CDH4: variants seen among roughly 807,000 people sequenced by gnomAD.
CDH4 encodes cadherin 4.
Under a neutral mutation model 86.0 loss-of-function variants are expected in CDH4, and 33 were observed. The ratio of observed to expected loss-of-function variants is 0.38; its 90% CI spans 0.29 to 0.51. The LOEUF is 0.51. Among genes scored for constraint, CDH4 ranks in the 20% least tolerant of loss-of-function variants. CDH4 has a pLI of 0.86. For missense variants in CDH4, 1,114 were observed against 1,307.4 expected (o/e 0.85, Z 2.28); for synonymous variants, 555 against 549.4 (o/e 1.01, Z -0.14).
At chr20:61,892,995 T>C (rs1423179723) in intron 7 of CDH4, among the ~76,000 whole-genome samples, 27 of 59,076 alleles carry the variant, frequency 4.6e-4, no homozygotes, top group Admixed American at 7.2e-4. Context: ...GATGGGTGAG[T>C]AGAGGGATGG....
chr20:61,738,327 A>G (rs1177944914), intron 2 of CDH4: 1 of 152,176 alleles, frequency 6.6e-6, no homozygotes, highest in African/African-American at 2.4e-5. Context: ...GGCTGTGGGT[A>G]CCAGGCACCA....
At chr20:61,875,247 TGGGAAGAGCACAAAG>T (rs961161221) in intron 7 of CDH4, among the ~76,000 whole-genome samples, 16 of 152,142 alleles carry the variant, frequency 1.1e-4, no homozygotes, top group Admixed American at 1.0e-3. Flanking sequence ...TCTCTGTCCC[TGGGAAGAGCACAAAG>T]GGGATTTCCT....
chr20:61,324,534 C>A (rs2084526751), intron 2 of CDH4, among the ~76,000 whole-genome samples: 1 of 152,108 alleles, frequency 6.6e-6, no homozygotes, highest in African/African-American at 2.4e-5. Flanking sequence ...CATCACGTGG[C>A]CTCTTCCTGG....
At chr20:61,423,469 G>A (rs1281894158) in intron 2 of CDH4, among the ~76,000 whole-genome samples, 1 of 152,144 alleles carries the variant, frequency 6.6e-6, no homozygotes, top group Non-Finnish European at 1.5e-5. Flanking sequence ...CTATCCCAGA[G>A]TCCAAAACAG....
chr20:61,600,651 G>T (rs543689826), intron 2 of CDH4, among the ~76,000 whole-genome samples: 3 of 152,268 alleles, frequency 2.0e-5, no homozygotes, highest in South Asian at 4.1e-4. Context: ...GCCCCCAGGG[G>T]TATTAAAATC....
At chr20:61,372,027 G>C (rs928173359) in intron 2 of CDH4, among the ~76,000 whole-genome samples, 1 of 152,178 alleles carries the variant, frequency 6.6e-6, no homozygotes, top group Non-Finnish European at 1.5e-5. Context: ...AGGCTTACAG[G>C]GCTCTGAATT....
chr20:61,380,069 G>A lies in CDH4; in HGVS notation c.169+125132G>A, dbSNP rs917848352. ...CAACAAAAGCAAGGATGCATAGGGA[G>A]AGATGGTGTTGAGCATATTATTTTG... On this transcript the variant is annotated intron_variant, in intron 2 of 15. Coordinates refer to ENST00000614565, the MANE Select transcript of CDH4 (RefSeq NM_001794.5). Among the ~76,000 whole-genome samples the A allele has an allele frequency of 2.6e-5, 4 of 152,316 alleles. 1 individual carries two copies. The highest frequency in any genetic ancestry group is 2.0e-4 in the Admixed American group (3 of 15,302).
At chr20:61,873,181 G>A (rs1161094478) in intron 6 of CDH4, among the ~76,000 whole-genome samples, 2 of 152,204 alleles carry the variant, frequency 1.3e-5, no homozygotes, top group African/African-American at 2.4e-5. Context: ...CCATCTGACG[G>A]AGTCCTATAG....
chr20:61,301,001 C>G (rs571631428), intron 2 of CDH4, among the ~76,000 whole-genome samples: 4 of 152,214 alleles, frequency 2.6e-5, no homozygotes, highest in Non-Finnish European at 5.9e-5. Context: ...GCTGGGCAGC[C>G]GTGGACTCAC....
intron 3 of CDH4, among the ~76,000 whole-genome samples, chr20:61,757,240 C>G (rs1347024928): frequency 6.6e-6 from 1 of 152,106 alleles, no homozygotes; most frequent in Non-Finnish European, 1.5e-5. Context: ...CAGACCCCCC[C>G]CCCAGCCCCC....
chr20:61,838,441 C>T (rs16985647), intron 4 of CDH4, among the ~76,000 whole-genome samples: 3,817 of 152,198 alleles, frequency 0.025, 138 homozygotes, highest in East Asian at 0.097. Flanking sequence ...GTTGGGGCCA[C>T]GGAGAAGCTG....
intron 2 of CDH4, among the ~76,000 whole-genome samples, chr20:61,542,823 C>T (rs2086050571): frequency 6.6e-6 from 1 of 152,158 alleles, no homozygotes; most frequent in South Asian, 2.1e-4. Context: ...AGAATTGACC[C>T]TCAGGATCAC....
At chr20:61,434,566 GCT>G (rs931852419) in intron 2 of CDH4, 15 of 152,200 alleles carry the variant, frequency 9.9e-5, no homozygotes, top group Non-Finnish European at 1.8e-4. Context: ...AGTATGAGGG[GCT>G]GCAGAGGAAA....
At chr20:61,667,506 G>T (rs978082350) in intron 2 of CDH4, among the ~76,000 whole-genome samples, 1 of 152,220 alleles carries the variant, frequency 6.6e-6, no homozygotes, top group African/African-American at 2.4e-5. Context: ...TCCAGAGAGG[G>T]TGGCCGGCAC....
Position 61,807,559 on chromosome 20 carries a change from C to T in CDH4, c.576+34377C>T, listed in dbSNP as rs1000087662. Among the ~76,000 whole-genome samples, 20 of 152,172 alleles carry T rather than the reference C, an allele frequency of 1.3e-4. No individual in the cohort carries two copies. The highest frequency in any genetic ancestry group is 4.1e-4 in the African/African-American group (17 of 41,434). On this transcript the variant is annotated intron_variant, in intron 4 of 15. Coordinates refer to ENST00000614565, the MANE Select transcript of CDH4 (RefSeq NM_001794.5). The surrounding 1 kb of genome is among the most constrained non-coding windows in gnomAD (Gnocchi z 4.5). ...AAGGTGCAGCTGTGTCCACCATCAG[C>T]GAGGGGAGTGTGACCAAGGGCAGGT...
chr20:61,889,503 A>T (rs1984700613), intron 7 of CDH4, among the ~76,000 whole-genome samples: 1 of 148,364 alleles, frequency 6.7e-6, no homozygotes, highest in Admixed American at 6.7e-5. Flanking sequence ...TGATGGATGG[A>T]TGATGGATGG....
intron 2 of CDH4, among the ~76,000 whole-genome samples, chr20:61,646,169 G>A (rs947697666): frequency 2.6e-5 from 4 of 152,192 alleles, no homozygotes; most frequent in South Asian, 4.1e-4. Context: ...TGATTCCCGC[G>A]GTGGGAAGTC....
intron 2 of CDH4, among the ~76,000 whole-genome samples, chr20:61,513,117 T>G (rs1296280939): frequency 6.6e-6 from 1 of 152,174 alleles, no homozygotes; most frequent in Non-Finnish European, 1.5e-5. Flanking sequence ...GGCCGTCCAT[T>G]CCTCCCTTTC....
intron 2 of CDH4, among the ~76,000 whole-genome samples, chr20:61,726,720 CGCTGCCATCATCACCATT>C (rs1314953613): frequency 2.6e-5 from 4 of 151,514 alleles, no homozygotes; most frequent in East Asian, 3.9e-4. Flanking sequence ...TCATCACCAT[CGCTGCCATCATCACCATT>C]GCTGCCATCA....
Sources: allele counts gnomAD v4.1 joint callset (sites outside exome capture counted in the v4.1 genomes callset), GRCh38; gene constraint gnomAD v4.1.1; non-coding constraint Gnocchi (gnomAD v3.1); transcripts MANE v1.5; gene names NCBI Gene and HGNC (gene_info 2026-07-23, HGNC 2026-07-21).